THSD7B: variants seen among roughly 807,000 people sequenced by gnomAD.
The protein encoded by THSD7B is thrombospondin type-1 domain-containing protein 7B.
In THSD7B, 138 loss-of-function variants were observed where a neutral mutation model predicts 213.6. The observed-to-expected ratio is 0.65, with a 90% CI of 0.56 to 0.74. The LOEUF is 0.74. THSD7B is among the 30% of genes least tolerant of loss of function. The pLI is 0.00. For missense variants in THSD7B, 1,931 were observed against 1,991.5 expected, an observed-to-expected ratio of 0.97 and a Z score of 0.58; for synonymous variants, 742 against 687.0, an observed-to-expected ratio of 1.08 and a Z score of -1.25.
At chr2:136,977,638 T>A (rs1685501263) in intron 2 of THSD7B, among the ~76,000 whole-genome samples, 1 of 152,148 alleles carries the variant, frequency 6.6e-6, no homozygotes, top group Non-Finnish European at 1.5e-5. Flanking sequence ...TTTGGCTGTG[T>A]CTCAGAGATT....
intron 3 of THSD7B, among the ~76,000 whole-genome samples, chr2:137,082,083 C>T (rs1687757819): frequency 6.6e-6 from 1 of 152,116 alleles, no homozygotes; most frequent in Non-Finnish European, 1.5e-5. Context: ...TTCTGAACTG[C>T]CAAGTTCCGA....
chr2:137,202,393 GGA>G (rs1417165989), intron 7 of THSD7B, among the ~76,000 whole-genome samples: 3 of 152,218 alleles, frequency 2.0e-5, no homozygotes, highest in African/African-American at 7.2e-5. Context: ...CTCATAAGAA[GGA>G]GGCAAAGAAG....
At chr2:137,188,966 G>A (rs1386214520) in intron 7 of THSD7B, among the ~76,000 whole-genome samples, 1 of 152,128 alleles carries the variant, frequency 6.6e-6, no homozygotes, top group Admixed American at 6.6e-5. Context: ...TATCCCCATT[G>A]TCCTGCTGTC....
intron 2 of THSD7B, among the ~76,000 whole-genome samples, chr2:136,998,021 A>G (rs1017204660): frequency 3.3e-5 from 5 of 152,144 alleles, no homozygotes; most frequent in African/African-American, 1.2e-4. Context: ...GTCACACCGT[A>G]GCAGACAACT....
chr2:137,348,614 A>G (rs796161563), intron 12 of THSD7B, among the ~76,000 whole-genome samples: 73 of 151,532 alleles, frequency 4.8e-4, no homozygotes, highest in African/African-American at 1.7e-3. Flanking sequence ...TTGTCTGCCA[A>G]TGCACATTAA....
chr2:137,025,390 C>T (rs756468673), intron 2 of THSD7B, among the ~76,000 whole-genome samples: 22 of 152,164 alleles, frequency 1.4e-4, no homozygotes, highest in African/African-American at 3.6e-4. Context: ...TGTCCCAGCT[C>T]ATAGGACATG....
At chr2:137,449,102 C>A (rs1327585490) in intron 14 of THSD7B, among the ~76,000 whole-genome samples, 5 of 151,782 alleles carry the variant, frequency 3.3e-5, no homozygotes, top group Admixed American at 3.3e-4. Flanking sequence ...TTTTTTCCCC[C>A]CCTCAAAGTA....
intron 4 of THSD7B, among the ~76,000 whole-genome samples, chr2:137,099,684 T>G (rs1688113089): frequency 6.6e-6 from 1 of 152,208 alleles, no homozygotes; most frequent in East Asian, 1.9e-4. Context: ...AATGATCATT[T>G]AGAGTATGGA....
intron 2 of THSD7B, among the ~76,000 whole-genome samples, chr2:136,909,399 A>G (rs1292840692): frequency 6.6e-6 from 1 of 152,220 alleles, no homozygotes; most frequent in African/African-American, 2.4e-5. Flanking sequence ...ATCCAAAGAT[A>G]AAGTACTGAT....
intron 1 of THSD7B, among the ~76,000 whole-genome samples, chr2:136,773,245 G>T (rs1681540461): frequency 6.6e-6 from 1 of 151,992 alleles, no homozygotes; most frequent in South Asian, 2.1e-4. Flanking sequence ...ACTCTACGTG[G>T]ATTAACTTAT....
chr2:137,293,894 A>G (rs1412687575), intron 12 of THSD7B, among the ~76,000 whole-genome samples: 3 of 152,134 alleles, frequency 2.0e-5, no homozygotes, highest in African/African-American at 7.2e-5. Context: ...TTAATATTTT[A>G]TAATGCCTTG....
At chr2:137,476,532 C>A (rs1384502902) in intron 15 of THSD7B, among the ~76,000 whole-genome samples, 1 of 152,066 alleles carries the variant, frequency 6.6e-6, no homozygotes, top group Non-Finnish European at 1.5e-5. Context: ...ATTTTTTCTG[C>A]ATATGGATGT....
chr2:136,787,952 C>A (rs1681898418), intron 1 of THSD7B, among the ~76,000 whole-genome samples: 1 of 152,144 alleles, frequency 6.6e-6, no homozygotes, highest in Non-Finnish European at 1.5e-5. Context: ...GTGTGAGACA[C>A]AAACCTATGG....
chr2:137,450,833 T>C lies in THSD7B; in HGVS notation c.2960-12T>C, dbSNP rs1439742773. On this transcript the variant is annotated splice_polypyrimidine_tract_variant and intron_variant, in intron 14 of 27. Transcript: ENST00000409968. ...TAATCAGACTTTCTTCTCTTAAATCTTTTTCTGTCAGGTTACATTCAAGAA... is the reference window on the plus strand; with the variant it reads ...TAATCAGACTTTCTTCTCTTAAATCCTTTTCTGTCAGGTTACATTCAAGAA... The C allele has an allele frequency of 1.9e-6, 3 of 1,575,360 alleles. 1 individual carries two copies. In the South Asian group the frequency reaches 3.5e-5, roughly 19 times the overall value.
intron 15 of THSD7B, among the ~76,000 whole-genome samples, chr2:137,523,049 G>A (rs149752540): frequency 5.5e-4 from 83 of 152,264 alleles, no homozygotes; most frequent in African/African-American, 1.7e-3. Flanking sequence ...AGGCCACAAC[G>A]TAAAAATGCT....
At chr2:137,645,214 A>G (rs561071387) in intron 21 of THSD7B, among the ~76,000 whole-genome samples, 1 of 152,332 alleles carries the variant, frequency 6.6e-6, no homozygotes, top group South Asian at 2.1e-4. Flanking sequence ...AGTAATAGAC[A>G]TAAGTTAAGA....
chr2:136,850,575 T>A (rs1436898034), intron 1 of THSD7B, among the ~76,000 whole-genome samples: 1 of 151,896 alleles, frequency 6.6e-6, no homozygotes, highest in South Asian at 2.1e-4. Context: ...CATTTTAAAC[T>A]TTTTTTCAGG....
chr2:137,476,507 TA>T (rs1323335239), intron 15 of THSD7B, among the ~76,000 whole-genome samples: 1 of 152,150 alleles, frequency 6.6e-6, no homozygotes, highest in Non-Finnish European at 1.5e-5. Flanking sequence ...TGGTGAGAGA[TA>T]GGGGTCTAGA....
chr2:137,362,009 A>G (rs1286027010), intron 12 of THSD7B, among the ~76,000 whole-genome samples: 1 of 152,174 alleles, frequency 6.6e-6, no homozygotes, highest in African/African-American at 2.4e-5. Flanking sequence ...CACAAAGGGA[A>G]GCCCATCAGA....
Sources: allele counts gnomAD v4.1 joint callset (sites outside exome capture counted in the v4.1 genomes callset), GRCh38; gene constraint gnomAD v4.1.1; transcripts MANE v1.5; gene names NCBI Gene and HGNC (gene_info 2026-07-23, HGNC 2026-07-21).